Variants in RAP1GAP2 observed in about 807,000 individuals in gnomAD.
The protein encoded by RAP1GAP2 is RAP1 GTPase activating protein 2, also known as rap1 GTPase-activating protein 2.
Under a neutral mutation model 95.0 loss-of-function variants are expected in RAP1GAP2, and 27 were observed. The ratio of observed to expected loss-of-function variants is 0.28; its 90% confidence interval spans 0.21 to 0.39. The LOEUF (loss-of-function observed/expected upper bound fraction) is 0.39, where lower values mean the gene tolerates loss of function less well. RAP1GAP2 is among the 10% of genes least tolerant of loss of function. The pLI is 1.00. For missense variants in RAP1GAP2, 771 were observed against 970.0 expected, an observed-to-expected ratio of 0.79 and a Z score of 2.72; for synonymous variants, 373 against 380.9, an observed-to-expected ratio of 0.98 and a Z score of 0.24.
rs1470629381 is a variant in RAP1GAP2 at position 3,004,200 on chromosome 17, A to G, written c.1201-1169A>G. 6.6e-6 allele frequency among the ~76,000 whole-genome samples: 1 copy of G among 152,214 alleles called. No homozygotes were observed. Among genetic ancestry groups the G allele is most frequent in the Admixed American group, 6.5e-5 (1 of 15,284 alleles). ...GAACCGGGTTCAGCTGCTGGAGCCCAGCCAGAAATCACGTCAGCCGAACGC... is the reference window on the plus strand; with the variant it reads ...GAACCGGGTTCAGCTGCTGGAGCCCGGCCAGAAATCACGTCAGCCGAACGC... On this transcript the variant is annotated intron_variant, in intron 14 of 24. Transcript: ENST00000254695. The surrounding 1 kb of genome is among the most constrained non-coding windows in gnomAD (Gnocchi z 4.1).
intron 2 of RAP1GAP2, among the ~76,000 whole-genome samples, chr17:2,839,526 A>G (rs1179048370): frequency 6.6e-6 from 1 of 152,180 alleles, no homozygotes; most frequent in Non-Finnish European, 1.5e-5. Flanking sequence ...GATCATTAAT[A>G]ACTGAAATGC....
chr17:2,873,949 A>G (rs1285695109), intron 2 of RAP1GAP2, among the ~76,000 whole-genome samples: 1 of 147,502 alleles, frequency 6.8e-6, no homozygotes, highest in Non-Finnish European at 1.5e-5. Flanking sequence ...TTTGGTAGAG[A>G]CGCGGTGGGG....
intron 2 of RAP1GAP2, among the ~76,000 whole-genome samples, chr17:2,883,416 C>T (rs1321759201): frequency 6.6e-6 from 1 of 152,218 alleles, no homozygotes; most frequent in African/African-American, 2.4e-5. Context: ...TTCCACTCCA[C>T]GTGCTGCCCT....
chr17:2,955,567 C>G (rs1221626167), intron 3 of RAP1GAP2, among the ~76,000 whole-genome samples: 1 of 152,164 alleles, frequency 6.6e-6, no homozygotes, highest in Admixed American at 6.6e-5. Context: ...ATTCTGCGGG[C>G]TTTCTTTTGA....
intron 2 of RAP1GAP2, among the ~76,000 whole-genome samples, chr17:2,810,360 GT>G (rs889569224): frequency 6.7e-5 from 10 of 149,590 alleles, no homozygotes; most frequent in East Asian, 2.0e-4. Context: ...CAAATTAGTC[GT>G]TTTTTTTTTT....
intron 4 of RAP1GAP2, 111 bp downstream of exon 4, chr17:2,957,905 A>G: frequency 8.5e-7 from 1 of 1,173,550 alleles, no homozygotes; most frequent in Non-Finnish European, 1.2e-6. Flanking sequence ...ACGGGGGTGC[A>G]GAGAAGAGAC....
chr17:2,802,068 T>C (rs1252911867), intron 2 of RAP1GAP2, among the ~76,000 whole-genome samples: 1 of 152,150 alleles, frequency 6.6e-6, no homozygotes, highest in African/African-American at 2.4e-5. Context: ...CAAAATATTC[T>C]CCCGGCACAT....
At chr17:2,844,764 C>T (rs189572009) in intron 2 of RAP1GAP2, among the ~76,000 whole-genome samples, 7 of 152,224 alleles carry the variant, frequency 4.6e-5, no homozygotes, top group African/African-American at 9.6e-5. Flanking sequence ...TAAGCCAAGC[C>T]GGAAAGTCTT....
chr17:2,930,875 G>C (rs371993412), intron 3 of RAP1GAP2, among the ~76,000 whole-genome samples: 1 of 152,224 alleles, frequency 6.6e-6, no homozygotes, highest in East Asian at 1.9e-4. Flanking sequence ...TGTAATCCCA[G>C]CACTTTGGGA....
intron 4 of RAP1GAP2, among the ~76,000 whole-genome samples, chr17:2,959,175 T>C (rs77615314): frequency 0.033 from 4,956 of 152,230 alleles, 256 homozygotes; most frequent in African/African-American, 0.11. Flanking sequence ...TCAGATCCTC[T>C]CTTCCTTCTC....
Position 2,796,624 on chromosome 17 carries a change from A to G in RAP1GAP2, c.44+53A>G. ...ATGATGGGAGAGAACTTAGAAGTGA[A>G]GTCTTGTTAAGTGCATTGGCGGCCG... On this transcript the variant is annotated intron_variant, in intron 1 of 24. Transcript: ENST00000254695. This position sits in a 1 kb window ranked among gnomAD's most constrained non-coding sequence, Gnocchi z 4.7. 1.3e-6 allele frequency: 2 copies of G among 1,542,904 alleles called. No homozygotes were observed. Among genetic ancestry groups the G allele is most frequent in the Non-Finnish European group, 1.8e-6 (2 of 1,139,004 alleles).
chr17:2,862,831 C>T (rs576549977), intron 2 of RAP1GAP2, among the ~76,000 whole-genome samples: 1 of 152,020 alleles, frequency 6.6e-6, no homozygotes, highest in African/African-American at 2.4e-5. Context: ...AACCCCGTCT[C>T]TACTAAAAAT....
intron 17 of RAP1GAP2, among the ~76,000 whole-genome samples, chr17:3,009,065 G>A (rs1487021372): frequency 6.6e-6 from 1 of 152,080 alleles, no homozygotes; most frequent in Non-Finnish European, 1.5e-5. Flanking sequence ...GGACTTTATG[G>A]GGAATTATGT....
At chr17:2,780,008 C>G (rs998586977) in intron 1 of RAP1GAP2, among the ~76,000 whole-genome samples, 4 of 152,062 alleles carry the variant, frequency 2.6e-5, no homozygotes, top group Non-Finnish European at 5.9e-5. Flanking sequence ...AGGGCGTAAA[C>G]TGGGGCAGTG....
intron 2 of RAP1GAP2, among the ~76,000 whole-genome samples, chr17:2,865,903 C>T (rs958955293): frequency 2.5e-4 from 38 of 152,252 alleles, no homozygotes; most frequent in Non-Finnish European, 5.1e-4. Context: ...TGCAGTCCCT[C>T]CTTAAATGGA....
chr17:2,980,163 G>A (rs996949474), intron 8 of RAP1GAP2, 124 bp from the exon 9 acceptor site: 8 of 806,992 alleles, frequency 9.9e-6, no homozygotes, highest in Admixed American at 8.5e-5. Context: ...GGCTGGTCTC[G>A]AACTCCTGAC....
At chr17:2,998,893 C>G (rs1269213203) in intron 14 of RAP1GAP2, among the ~76,000 whole-genome samples, 1 of 151,796 alleles carries the variant, frequency 6.6e-6, no homozygotes, top group African/African-American at 2.4e-5. Flanking sequence ...GTGGAAAGGA[C>G]GAGCAGGAAA....
intron 2 of RAP1GAP2, among the ~76,000 whole-genome samples, chr17:2,872,941 A>T (rs1044406797): frequency 6.6e-6 from 1 of 151,926 alleles, no homozygotes; most frequent in Non-Finnish European, 1.5e-5. Flanking sequence ...GGACTCTAGT[A>T]AAAATACAAA....
At chr17:2,940,716 C>T (rs1052743194) in intron 3 of RAP1GAP2, among the ~76,000 whole-genome samples, 9 of 152,166 alleles carry the variant, frequency 5.9e-5, no homozygotes, top group South Asian at 4.1e-4. Flanking sequence ...CCTTTGTGCC[C>T]GCTCCTGGTG....
Sources: gnomAD v4.1 joint callset for allele counts (sites outside exome capture counted in the v4.1 genomes callset) on GRCh38, gnomAD v4.1.1 for gene constraint, Gnocchi (gnomAD v3.1) non-coding constraint, MANE v1.5 for transcripts, NCBI Gene and HGNC (gene_info 2026-07-23, HGNC 2026-07-21) for gene names.